The following MYCBP2 variants were observed in gnomAD, a reference collection of about 807,000 sequenced individuals.
The protein encoded by MYCBP2 is E3 ubiquitin-protein ligase MYCBP2.
Under a neutral mutation model 525.3 loss-of-function variants are expected in MYCBP2, and 120 were observed. The observed-to-expected ratio is 0.23, with a 90% CI of 0.20 to 0.27. The LOEUF (loss-of-function observed/expected upper bound fraction) is 0.27. MYCBP2 is among the 10% of genes least tolerant of loss of function. The pLI is 1.00. For missense variants in MYCBP2, 4,149 were observed against 5,657.1 expected (o/e 0.73, Z 8.55); for synonymous variants, 1,894 against 1,955.8 (o/e 0.97, Z 0.83).
At chr13:77,168,715 A>G (rs2058798314) in intron 39 of MYCBP2, 69 bp from the exon 40 acceptor site, 2 of 1,390,786 alleles carry the variant, frequency 1.4e-6, no homozygotes, top group African/African-American at 1.4e-5. Context: ...ATGCATTACA[A>G]TAATTGTTGG....
intron 17 of MYCBP2, among the ~76,000 whole-genome samples, chr13:77,239,672 G>C (rs910946242): frequency 6.6e-6 from 1 of 152,114 alleles, no homozygotes; most frequent in African/African-American, 2.4e-5. Context: ...CCAGTTTTTT[G>C]TTTCAGTAGA....
intron 55 of MYCBP2, among the ~76,000 whole-genome samples, chr13:77,120,306 C>G (rs1196386705): frequency 6.6e-6 from 1 of 152,046 alleles, no homozygotes; most frequent in Non-Finnish European, 1.5e-5. Context: ...ATACCCAATC[C>G]TATGAGATAG....
rs1261196721 is a variant in MYCBP2 at position 77,084,687 on chromosome 13, C to A, written c.10876-1495G>T. Among the ~76,000 whole-genome samples, 3 of 152,232 alleles carry A rather than the reference C, an allele frequency of 2.0e-5. No homozygotes were observed. The South Asian group carries it at 6.2e-4, about 32-fold the overall frequency. Reference sequence around the variant, plus strand: ...CACGCTCACCCCACCTCTGGTTGGACTAAAACTTCAGAACCCAGCTCTGAA... The same window carrying A: ...CACGCTCACCCCACCTCTGGTTGGAATAAAACTTCAGAACCCAGCTCTGAA... On this transcript the variant is annotated intron_variant, in intron 62 of 82. Transcript: ENST00000544440.
chr13:77,185,978 C>T lies in MYCBP2; in HGVS notation c.4337G>A (p.Gly1446Glu). 6.2e-7 allele frequency: 1 copy of T among 1,613,802 alleles called. No individual in the cohort carries two copies. The highest frequency in any genetic ancestry group is 8.5e-7 in the Non-Finnish European group (1 of 1,179,846). The change falls in exon 31 of 83, where the codon GGA (glycine) becomes GAA (glutamate). Residue 1446 changes from glycine to glutamate, a missense_variant. Gly to Glu is a moderately conservative substitution (Grantham distance 98). Transcript: ENST00000544440. Reference sequence around the variant, plus strand: ...TAGGAGTGTAGCTGTGAACTGGAATCCTTTTAATCCTCTAAGTTCTTCAAC... The same window carrying T: ...TAGGAGTGTAGCTGTGAACTGGAATTCTTTTAATCCTCTAAGTTCTTCAAC... ...LGVEELRGLK[G>E]FQFTATLLDL... is the part of the protein sequence containing the mutation.
intron 54 of MYCBP2, among the ~76,000 whole-genome samples, chr13:77,124,276 T>G (rs1427408052): frequency 6.6e-6 from 1 of 152,152 alleles, no homozygotes; most frequent in Non-Finnish European, 1.5e-5. Context: ...AAAGGTGTGT[T>G]GTGGGGGGAA....
At position 77,061,294 on chromosome 13, in the gene MYCBP2, T is replaced by C; in HGVS notation, c.12911A>G (p.Lys4304Arg). The C allele has an allele frequency of 6.2e-7, 1 of 1,604,452 alleles. No homozygotes were observed. The highest frequency in any genetic ancestry group is 8.5e-7 in the Non-Finnish European group (1 of 1,176,208). Residue 4304 changes from lysine (K) to arginine (R), a missense_variant, in exon 76 of 83, where the codon AAA becomes AGA. This residue lies in a region of MYCBP2 where 220 missense variants were observed against 396.0 expected (regional missense o/e 0.56). Transcript: ENST00000544440. The stretch of plus-strand genomic sequence containing the variant: ...AACCTTTATAGCTTCTTCTTCTTCT[T>C]TGAAGACCTATTATTTCATTAAAGA... ...RTKTHQRQVF[K>R]EEEEAIKVDL...
intron 75 of MYCBP2, 108 bp downstream of exon 75, chr13:77,061,554 C>A: frequency 7.5e-7 from 1 of 1,326,994 alleles, no homozygotes; most frequent in Non-Finnish European, 1.0e-6. Flanking sequence ...CAACCAAGGT[C>A]TTTGATTCCA....
chr13:77,197,793 G>GA (rs991074581), intron 26 of MYCBP2, among the ~76,000 whole-genome samples: 56 of 141,112 alleles, frequency 4.0e-4, no homozygotes, highest in African/African-American at 1.3e-3. Context: ...TGAAGGGAAG[G>GA]AAAAAAAAAG....
chr13:77,144,683 T>C (rs1028074766), intron 48 of MYCBP2, 123 bp from the exon 49 acceptor site: 9 of 704,186 alleles, frequency 1.3e-5, no homozygotes, highest in African/African-American at 5.3e-5. Flanking sequence ...CACCCTGCCA[T>C]AGTACGCTTG....
At chr13:77,206,927 C>T (rs536639253) in intron 23 of MYCBP2, 102 bp from the exon 24 acceptor site, 91 of 1,043,074 alleles carry the variant, frequency 8.7e-5, no homozygotes, top group Admixed American at 7.1e-4. Context: ...ATAATATAGT[C>T]AGCTTAAAGA....
At chr13:77,269,796 G>T (rs2154343987) in intron 7 of MYCBP2, among the ~76,000 whole-genome samples, 196 bp downstream of exon 7, 1 of 152,206 alleles carries the variant, frequency 6.6e-6, no homozygotes, top group South Asian at 2.1e-4. Context: ...AGGAAGCAGG[G>T]CCAGAACTAA....
chr13:77,311,745 T>C (rs923503210), intron 1 of MYCBP2, among the ~76,000 whole-genome samples: 1 of 151,664 alleles, frequency 6.6e-6, no homozygotes, highest in African/African-American at 2.4e-5. Context: ...GAAAAAAAAT[T>C]GATAGGAGAC....
intron 39 of MYCBP2, 51 bp downstream of exon 39, chr13:77,169,562 TA>T (rs1443629556): frequency 6.0e-6 from 9 of 1,500,164 alleles, no homozygotes; most frequent in Non-Finnish European, 8.3e-6. Flanking sequence ...AGTCTTTTTT[TA>T]AAAAAGATAT....
At position 77,098,820 on chromosome 13, in the gene MYCBP2, C is replaced by T. The variant is rs866239474; in HGVS notation, c.8334G>A (p.Lys2778=). 17 of 1,613,620 alleles carry T rather than the reference C, an allele frequency of 1.1e-5. No individual in the cohort carries two copies. Among genetic ancestry groups the T allele is most frequent in the Middle Eastern group, 3.3e-4 (2 of 6,052 alleles). The stretch of plus-strand genomic sequence containing the variant: ...ACCTACTGTGGGAATCTGACCTCAA[C>T]TTTGCAGCATCAGATTTTAAGATGA... ...ESLILKSDAA[K]LRSDSHSRSL... The change falls in exon 56 of 83, where the codon AAG becomes AAA. Residue 2778 remains lysine (K), a synonymous_variant. Coordinates refer to ENST00000544440, the MANE Select transcript of MYCBP2 (RefSeq NM_015057.5).
At position 77,079,555 on chromosome 13, in the gene MYCBP2, C is replaced by A. The variant is rs550245004; in HGVS notation, c.11419-666G>T. On this transcript the variant is annotated intron_variant, in intron 65 of 82. Transcript: ENST00000544440. ...TGCTGTAGGCTGATACAACTCAAAT[C>A]AACAAATGCTGTGTACAAGGCTCTG... is the stretch of plus-strand genomic sequence containing the variant. Among the ~76,000 whole-genome samples, 4 of 152,254 alleles carry A rather than the reference C, an allele frequency of 2.6e-5. No homozygotes were observed. The South Asian group carries it at 6.2e-4, about 24-fold the overall frequency.
At chr13:77,062,759 T>C in intron 73 of MYCBP2, 62 bp from the exon 74 acceptor site, 1 of 1,280,686 alleles carries the variant, frequency 7.8e-7, no homozygotes, top group Non-Finnish European at 1.1e-6. Flanking sequence ...AAATGCTGAC[T>C]GTGACACATC....
At chr13:77,175,730 C>T (rs1198681039) in intron 36 of MYCBP2, among the ~76,000 whole-genome samples, 7 of 152,016 alleles carry the variant, frequency 4.6e-5, no homozygotes, top group Non-Finnish European at 1.0e-4. Flanking sequence ...GGAGGCCAAG[C>T]GGAGTGGATC....
In MYCBP2 at chr13:77,211,886, G is replaced by A. The variant is rs997682733; in HGVS notation, c.3262+70C>T. Reference sequence around the variant, plus strand: ...CTACAAAAGTACATTTCATTAAAGGGAAAGATAAACCATTTACTATCAATC... The same window carrying A: ...CTACAAAAGTACATTTCATTAAAGGAAAAGATAAACCATTTACTATCAATC... On this transcript the variant is annotated intron_variant, in intron 22 of 82. Transcript: ENST00000544440. 4.0e-6 allele frequency: 5 copies of A among 1,239,364 alleles called. No homozygotes were observed. The African/African-American group carries it at 7.5e-5, about 19-fold the overall frequency. 76.8% of individuals were successfully genotyped at this position (1,239,364 alleles called of 1,614,324 possible). A position where few individuals can be genotyped will look rare whatever the true frequency, so the allele number is the denominator to read the frequency against.
chr13:77,222,995 G>C (rs1424581819), intron 20 of MYCBP2, among the ~76,000 whole-genome samples: 1 of 152,202 alleles, frequency 6.6e-6, no homozygotes, highest in African/African-American at 2.4e-5. Context: ...TTGCAGCTAA[G>C]TGAATTGCTG....
Sources: gnomAD v4.1 joint callset for allele counts (sites outside exome capture counted in the v4.1 genomes callset) on GRCh38, gnomAD v4.1.1 for gene constraint, gnomAD v4.1.1 regional missense constraint, MANE v1.5 for transcripts, NCBI Gene and HGNC (gene_info 2026-07-23, HGNC 2026-07-21) for gene names.